The following FBXL7 variants were observed in gnomAD, a reference collection of about 807,000 sequenced individuals.
FBXL7 encodes F-box and leucine rich repeat protein 7.
FBXL7 carries 12 observed loss-of-function variants against 38.3 expected under a neutral mutation model. The observed-to-expected ratio is 0.31, with a 90% CI of 0.20 to 0.51. The LOEUF (loss-of-function observed/expected upper bound fraction) is 0.51, where lower values mean the gene tolerates loss of function less well. Among genes scored for constraint, FBXL7 ranks in the 20% least tolerant of loss-of-function variants. The pLI, the probability that FBXL7 is intolerant of heterozygous loss-of-function variation, is 0.98. For missense variants in FBXL7, 567 were observed against 676.4 expected (o/e 0.84, Z 1.79); for synonymous variants, 297 against 300.9 (o/e 0.99, Z 0.13).
intron 1 of FBXL7, among the ~76,000 whole-genome samples, chr5:15,524,187 T>A (rs1365010587): frequency 1.3e-5 from 2 of 152,212 alleles, no homozygotes; most frequent in African/African-American, 4.8e-5. Flanking sequence ...TCAGTTTAGA[T>A]ACCACAGGGC....
intron 2 of FBXL7, among the ~76,000 whole-genome samples, chr5:15,897,433 C>T (rs896397969): frequency 1.3e-5 from 2 of 152,178 alleles, no homozygotes; most frequent in African/African-American, 2.4e-5. Flanking sequence ...ATGGAGTTTA[C>T]AGTCTGGTAG....
At chr5:15,661,030 A>G (rs896223630) in intron 2 of FBXL7, among the ~76,000 whole-genome samples, 3 of 152,212 alleles carry the variant, frequency 2.0e-5, no homozygotes, top group African/African-American at 7.2e-5. Flanking sequence ...CAAGGAATTC[A>G]CCATTCCAAG....
intron 2 of FBXL7, among the ~76,000 whole-genome samples, chr5:15,793,972 G>A (rs1737349507): frequency 6.6e-6 from 1 of 152,190 alleles, no homozygotes. Flanking sequence ...ACTTCATCCT[G>A]TTTTCACTTC....
rs543997942 is a variant in FBXL7, at chr5:15,673,167, T to G, written c.127+57095T>G. The stretch of plus-strand genomic sequence containing the variant: ...CCCGTCTCCACTAAAAGTACAAAAA[T>G]TAACCGGGCCTGGTGGCGGGCACCT... On this transcript the variant is annotated intron_variant, in intron 2 of 3. Transcript: ENST00000504595. Among the ~76,000 whole-genome samples the G allele has an allele frequency of 5.7e-4, 86 of 151,996 alleles. 1 individual carries two copies. Among genetic ancestry groups the G allele is most frequent in the African/African-American group, 2.0e-3 (82 of 41,452 alleles).
chr5:15,867,919 C>T (rs369028031), intron 2 of FBXL7, among the ~76,000 whole-genome samples: 1 of 152,074 alleles, frequency 6.6e-6, no homozygotes, highest in Non-Finnish European at 1.5e-5. Flanking sequence ...TCCTGGCCAA[C>T]ATGGTGAAAC....
chr5:15,540,123 A>C (rs912891303), intron 1 of FBXL7, among the ~76,000 whole-genome samples: 5 of 152,170 alleles, frequency 3.3e-5, no homozygotes, highest in Admixed American at 3.3e-4. Context: ...AATATCATGC[A>C]AAAGCTCATG....
At chr5:15,900,440 T>G (rs1410751714) in intron 2 of FBXL7, among the ~76,000 whole-genome samples, 2 of 152,188 alleles carry the variant, frequency 1.3e-5, no homozygotes, top group African/African-American at 4.8e-5. Context: ...GTGGTGCCAC[T>G]AGCCAAGCCA....
intron 2 of FBXL7, among the ~76,000 whole-genome samples, chr5:15,921,354 C>T (rs377018221): frequency 1.4e-5 from 2 of 144,192 alleles, no homozygotes; most frequent in Non-Finnish European, 3.0e-5. Context: ...GCACTCCAGC[C>T]TGGGTGACAG....
At chr5:15,652,675 T>C (rs926676172) in intron 2 of FBXL7, among the ~76,000 whole-genome samples, 1 of 152,192 alleles carries the variant, frequency 6.6e-6, no homozygotes, top group African/African-American at 2.4e-5. Flanking sequence ...TTCCCATCAC[T>C]TGAATACTTA....
intron 1 of FBXL7, among the ~76,000 whole-genome samples, chr5:15,570,667 G>C (rs1468415214): frequency 6.6e-6 from 1 of 152,212 alleles, no homozygotes; most frequent in African/African-American, 2.4e-5. Context: ...GTGTGTGCCA[G>C]CATTAACAGA....
chr5:15,895,366 G>A (rs1456355875), intron 2 of FBXL7, among the ~76,000 whole-genome samples: 2 of 151,730 alleles, frequency 1.3e-5, no homozygotes, highest in Non-Finnish European at 2.9e-5. Flanking sequence ...AGTTAATTTT[G>A]AAGGCAAGGA....
At chr5:15,560,068 G>C (rs1171255540) in intron 1 of FBXL7, among the ~76,000 whole-genome samples, 1 of 152,078 alleles carries the variant, frequency 6.6e-6, no homozygotes, top group Non-Finnish European at 1.5e-5. Context: ...CCTTCCCTTG[G>C]ACCTAGACAA....
At chr5:15,896,720 A>G (rs1031982897) in intron 2 of FBXL7, among the ~76,000 whole-genome samples, 5 of 152,046 alleles carry the variant, frequency 3.3e-5, no homozygotes, top group African/African-American at 1.2e-4. Context: ...TACTATTTCC[A>G]TTTCTGTGTA....
At chr5:15,887,641 A>G (rs1338223643) in intron 2 of FBXL7, among the ~76,000 whole-genome samples, 1 of 152,148 alleles carries the variant, frequency 6.6e-6, no homozygotes, top group Non-Finnish European at 1.5e-5. Context: ...GGGAGCTAAC[A>G]AGTACCTCAG....
chr5:15,741,189 T>A (rs1176516021), intron 2 of FBXL7, among the ~76,000 whole-genome samples: 1 of 152,204 alleles, frequency 6.6e-6, no homozygotes, highest in Non-Finnish European at 1.5e-5. Flanking sequence ...CTTTGGACTG[T>A]CTAATCTTGT....
intron 1 of FBXL7, among the ~76,000 whole-genome samples, chr5:15,523,232 A>G (rs944391373): frequency 1.3e-5 from 2 of 152,194 alleles, no homozygotes; most frequent in Non-Finnish European, 2.9e-5. Flanking sequence ...ACAAGAGACC[A>G]TAGAAATACA....
intron 2 of FBXL7, among the ~76,000 whole-genome samples, chr5:15,796,877 G>A (rs866970058): frequency 5.3e-5 from 8 of 152,280 alleles, no homozygotes; most frequent in Admixed American, 1.3e-4. Flanking sequence ...TAGAACGTGC[G>A]TGATGAGATC....
chr5:15,508,150 G>C (rs183281124), intron 1 of FBXL7, among the ~76,000 whole-genome samples: 1 of 152,256 alleles, frequency 6.6e-6, no homozygotes, highest in East Asian at 1.9e-4. Flanking sequence ...ACTTACATTA[G>C]TCTTCGCTTG....
At chr5:15,632,188 A>C (rs1741021056) in intron 2 of FBXL7, among the ~76,000 whole-genome samples, 1 of 152,168 alleles carries the variant, frequency 6.6e-6, no homozygotes, top group Non-Finnish European at 1.5e-5. Flanking sequence ...ATGGGGATAT[A>C]ATATGTTTTG....
Sources: gnomAD v4.1 joint callset for allele counts (sites outside exome capture counted in the v4.1 genomes callset) on GRCh38, gnomAD v4.1.1 for gene constraint, MANE v1.5 for transcripts, NCBI Gene and HGNC (gene_info 2026-07-23, HGNC 2026-07-21) for gene names.